Variants in DTNA observed in about 807,000 individuals in gnomAD.
The protein encoded by DTNA is dystrobrevin alpha, also known as dystrophin-related protein 3.
DTNA carries 43 observed loss-of-function variants against 100.7 expected under a neutral mutation model. That is an observed-to-expected ratio of 0.43 (90% CI 0.33 to 0.55). DTNA has a LOEUF of 0.55. Ranked by LOEUF, DTNA falls within the 20% of genes least tolerant of loss-of-function variation. The probability of loss-of-function intolerance (pLI) is 0.04; values close to 1 mark genes in which losing one functional copy is unlikely to be tolerated. For missense variants in DTNA, 798 were observed against 953.9 expected (o/e 0.84, Z 2.15); for synonymous variants, 349 against 347.9 (o/e 1.00, Z -0.04).
At chr18:34,823,727 A>G (rs181072560) in intron 9 of DTNA, among the ~76,000 whole-genome samples, 1 of 152,174 alleles carries the variant, frequency 6.6e-6, no homozygotes, top group African/African-American at 2.4e-5. Flanking sequence ...TTATTAAGCA[A>G]TCTTTAATTG....
chr18:34,612,224 C>T lies in DTNA; in HGVS notation c.-2+118710C>T, dbSNP rs141377214. 5.2e-3 allele frequency among the ~76,000 whole-genome samples: 791 copies of T among 152,304 alleles called. 8 individuals are homozygous for T. The highest frequency in any genetic ancestry group is 0.018 in the African/African-American group (752 of 41,562). On this transcript the variant is annotated intron_variant, in intron 1 of 19. Coordinates refer to the DTNA transcript ENST00000283365. ...CACACCTCACTCCCCACCATCTACG[C>T]GTGCCTGGACCTTGAGCCTAGGACC... is the stretch of plus-strand genomic sequence containing the variant.
chr18:34,509,403 A>G (rs2040811872), intron 1 of DTNA, among the ~76,000 whole-genome samples: 1 of 152,170 alleles, frequency 6.6e-6, no homozygotes, highest in Non-Finnish European at 1.5e-5. Context: ...GTAGTGGTCC[A>G]GATTTTCCCC....
intron 1 of DTNA, among the ~76,000 whole-genome samples, chr18:34,719,422 T>C (rs1218619168): frequency 6.6e-6 from 1 of 152,168 alleles, no homozygotes; most frequent in East Asian, 1.9e-4. Context: ...CAGGGTACTT[T>C]TACCATCTTT....
intron 1 of DTNA, among the ~76,000 whole-genome samples, chr18:34,523,667 C>G (rs892309620): frequency 1.3e-5 from 2 of 152,128 alleles, no homozygotes; most frequent in East Asian, 1.9e-4. Flanking sequence ...GTAAGTAAGG[C>G]AGGCCTGTTG....
chr18:34,846,000 A>G (rs912437244), intron 13 of DTNA, among the ~76,000 whole-genome samples: 3 of 151,802 alleles, frequency 2.0e-5, no homozygotes, highest in African/African-American at 7.3e-5. Context: ...CTCTTGAACA[A>G]CTCTCTCTTT....
rs192673085 is a variant in DTNA, at chr18:34,838,133, G to T, written c.1215G>T (p.Leu405=). ...PKDSEVEQNK[L]LARAAPAFLK... is the part of the protein sequence containing the mutation. ...ACAGTGAAGTAGAGCAGAACAAACT[G>T]CTGGCTAGGGCTGCTCCAGCTTTTC... The change falls in exon 12 of 23, where the codon CTG becomes CTT. Residue 405 remains leucine, a synonymous_variant. Transcript: ENST00000444659. 1 of 1,613,858 alleles carries T rather than the reference G, an allele frequency of 6.2e-7. No individual in the cohort carries two copies. Among genetic ancestry groups the T allele is most frequent in the African/African-American group, 1.3e-5 (1 of 75,038 alleles).
chr18:34,732,993 A>G (rs1190785305), intron 1 of DTNA, among the ~76,000 whole-genome samples: 2 of 152,134 alleles, frequency 1.3e-5, no homozygotes, highest in Non-Finnish European at 2.9e-5. Context: ...ATAAGTCCCT[A>G]TTTTAACTGG....
At chr18:34,781,520 C>T (rs2094321618) in intron 3 of DTNA, among the ~76,000 whole-genome samples, 1 of 151,912 alleles carries the variant, frequency 6.6e-6, no homozygotes, top group Non-Finnish European at 1.5e-5. Context: ...ACAAAAGATA[C>T]ACTCCTCATG....
At chr18:34,707,823 C>T (rs986672196), upstream of DTNA, among the ~76,000 whole-genome samples, 6 of 152,246 alleles carry the variant, frequency 3.9e-5, no homozygotes, top group Admixed American at 2.0e-4. Context: ...GCTAATTTTC[C>T]GGTGTAGCTG....
At chr18:34,783,261 C>T (rs1382519637) in intron 3 of DTNA, among the ~76,000 whole-genome samples, 3 of 151,986 alleles carry the variant, frequency 2.0e-5, no homozygotes, top group Admixed American at 1.3e-4. Context: ...ATTTTCATAC[C>T]TCACTTTGAA....
At chr18:34,797,297 C>T (rs1203727048) in intron 4 of DTNA, among the ~76,000 whole-genome samples, 7 of 152,052 alleles carry the variant, frequency 4.6e-5, no homozygotes, top group Non-Finnish European at 8.8e-5. Context: ...TTTTTTAAGG[C>T]GTCTAGTGGA....
chr18:34,836,779 G>T (rs980997650), intron 11 of DTNA, among the ~76,000 whole-genome samples: 7 of 151,618 alleles, frequency 4.6e-5, no homozygotes, highest in African/African-American at 1.7e-4. Flanking sequence ...AAACATGCAT[G>T]TCTACTCTTT....
At chr18:34,858,985 A>G (rs1223123484) in intron 16 of DTNA, among the ~76,000 whole-genome samples, 1 of 152,254 alleles carries the variant, frequency 6.6e-6, no homozygotes, top group Non-Finnish European at 1.5e-5. Flanking sequence ...AGAAATAATC[A>G]GTTAAATAAA....
chr18:34,766,142 T>C, intron 3 of DTNA, 101 bp downstream of exon 3: 1 of 1,265,608 alleles, frequency 7.9e-7, no homozygotes, highest in Non-Finnish European at 1.1e-6. Flanking sequence ...ATATTGCTAA[T>C]ATTGTTATAT....
chr18:34,577,345 T>G (rs1014279111), intron 1 of DTNA, among the ~76,000 whole-genome samples: 1 of 152,206 alleles, frequency 6.6e-6, no homozygotes, highest in African/African-American at 2.4e-5. Flanking sequence ...AATCAATATG[T>G]GTTTTTATAT....
chr18:34,762,873 A>G (rs564543527), intron 2 of DTNA, among the ~76,000 whole-genome samples: 136 of 152,336 alleles, frequency 8.9e-4, no homozygotes, highest in African/African-American at 3.2e-3. Context: ...CCACACAGTG[A>G]TACGACAGGA....
chr18:34,806,074 A>G (rs1250582244), intron 4 of DTNA, 145 bp from the exon 5 acceptor site: 5 of 677,048 alleles, frequency 7.4e-6, no homozygotes, highest in African/African-American at 7.2e-5. Flanking sequence ...TATAAAATGG[A>G]TGTGCCCACA....
At chr18:34,736,108 G>T (rs936711571) in intron 1 of DTNA, among the ~76,000 whole-genome samples, 2 of 152,140 alleles carry the variant, frequency 1.3e-5, no homozygotes, top group Admixed American at 6.5e-5. Flanking sequence ...TGCCCTCCAC[G>T]TGAAGAGCTC....
At chr18:34,857,403 G>A (rs560270478) in intron 15 of DTNA, among the ~76,000 whole-genome samples, 19 of 152,316 alleles carry the variant, frequency 1.2e-4, no homozygotes, top group Non-Finnish European at 2.2e-4. Flanking sequence ...TATGCATTTT[G>A]TTGAGTAGGA....
Sources: gnomAD v4.1 joint callset for allele counts (sites outside exome capture counted in the v4.1 genomes callset) on GRCh38, gnomAD v4.1.1 for gene constraint, MANE v1.5 for transcripts, NCBI Gene and HGNC (gene_info 2026-07-23, HGNC 2026-07-21) for gene names.